The following CHST11 variants were observed in gnomAD, a reference collection of about 807,000 sequenced individuals.
CHST11 encodes C4S-1.
A neutral mutation model predicts 30.4 loss-of-function variants in CHST11; 9 were observed. That is an observed-to-expected ratio of 0.30 (90% confidence interval 0.18 to 0.52). The LOEUF is 0.52. CHST11 is among the 20% of genes least tolerant of loss of function. CHST11 has a pLI of 0.97. For missense variants in CHST11, 348 were observed against 460.6 expected (o/e 0.76, Z 2.24); for synonymous variants, 152 against 187.8 (o/e 0.81, Z 1.56).
intron 1 of CHST11, among the ~76,000 whole-genome samples, chr12:104,556,648 A>G (rs1452902363): frequency 6.6e-6 from 1 of 152,068 alleles, no homozygotes; most frequent in Non-Finnish European, 1.5e-5. Flanking sequence ...TTCTGTCTTC[A>G]CACTGTCTTC....
intron 2 of CHST11, among the ~76,000 whole-genome samples, chr12:104,733,769 G>A (rs2040275251): frequency 6.6e-6 from 1 of 152,240 alleles, no homozygotes. Flanking sequence ...ATTCAACCCA[G>A]GGAGATTGGT....
At chr12:104,519,561 G>A (rs1001537073) in intron 1 of CHST11, among the ~76,000 whole-genome samples, 2 of 152,116 alleles carry the variant, frequency 1.3e-5, no homozygotes, top group African/African-American at 4.8e-5. Flanking sequence ...AAAGTGAGAT[G>A]AACGCCTTTC....
intron 1 of CHST11, among the ~76,000 whole-genome samples, chr12:104,490,180 T>G (rs557980711): frequency 6.6e-6 from 1 of 152,298 alleles, no homozygotes; most frequent in South Asian, 2.1e-4. Context: ...CTGAAAGATG[T>G]GTGTCCTGGC....
chr12:104,513,138 T>TGGGGGGGGGGGG (rs1565969843), intron 1 of CHST11, among the ~76,000 whole-genome samples: 4 of 3,336 alleles, frequency 1.2e-3, no homozygotes, highest in African/African-American at 1.4e-3. Context: ...GGGGGGGGGG[T>TGGGGGGGGGGGG]TGGGGGTGGG....
intron 2 of CHST11, among the ~76,000 whole-genome samples, chr12:104,608,002 C>A (rs545674558): frequency 2.7e-3 from 405 of 152,250 alleles, no homozygotes; most frequent in African/African-American, 9.2e-3. Context: ...AGCCTGTGGT[C>A]TTCATATTAG....
intron 2 of CHST11, among the ~76,000 whole-genome samples, chr12:104,689,902 A>C (rs2039881803): frequency 6.6e-6 from 1 of 150,546 alleles, no homozygotes. Context: ...TTCCTCTTTC[A>C]CAAAATGTCT....
Position 104,703,576 on chromosome 12 carries a change from C to T in CHST11, c.205-53373C>T, listed in dbSNP as rs80349408. ...ACCTCCTCTCCCACCTGAGAACATT[C>T]TACTGCCGCAGCCAGAGCTGGTCTA... On this transcript the variant is annotated intron_variant, in intron 2 of 2. Coordinates refer to ENST00000303694, the MANE Select transcript of CHST11 (RefSeq NM_018413.6). 6.0e-3 allele frequency among the ~76,000 whole-genome samples: 908 copies of T among 152,334 alleles called. 13 individuals carry two copies. The highest frequency in any genetic ancestry group is 0.053 in the East Asian group (273 of 5,190).
intron 2 of CHST11, among the ~76,000 whole-genome samples, chr12:104,609,303 C>T (rs556048378): frequency 6.6e-6 from 1 of 152,364 alleles, no homozygotes; most frequent in Non-Finnish European, 1.5e-5. Context: ...TGCTTACTGC[C>T]AGCCTGGCAG....
At chr12:104,565,779 G>T (rs1330204095) in intron 1 of CHST11, among the ~76,000 whole-genome samples, 1 of 152,130 alleles carries the variant, frequency 6.6e-6, no homozygotes, top group Non-Finnish European at 1.5e-5. Flanking sequence ...GGCTAATTAG[G>T]GTGCTCTGTT....
At chr12:104,644,678 A>T (rs1465212220) in intron 2 of CHST11, among the ~76,000 whole-genome samples, 1 of 151,900 alleles carries the variant, frequency 6.6e-6, no homozygotes, top group African/African-American at 2.4e-5. Context: ...TGGCCCTGGC[A>T]GGCAGAGTGC....
At chr12:104,737,772 G>A (rs2040313296) in intron 2 of CHST11, among the ~76,000 whole-genome samples, 1 of 152,176 alleles carries the variant, frequency 6.6e-6, no homozygotes. Flanking sequence ...TCCCCCACCA[G>A]GCAGTTTTGC....
chr12:104,678,028 C>T (rs1375566518), intron 2 of CHST11, among the ~76,000 whole-genome samples: 4 of 152,228 alleles, frequency 2.6e-5, no homozygotes, highest in Non-Finnish European at 5.9e-5. Context: ...AGGCCTTCTC[C>T]AACCTTCCAG....
At chr12:104,596,560 G>T (rs942018063) in intron 1 of CHST11, among the ~76,000 whole-genome samples, 1 of 125,724 alleles carries the variant, frequency 8.0e-6, no homozygotes, top group Non-Finnish European at 1.7e-5. Flanking sequence ...ATAAACAGAC[G>T]TGGGTTGTCA....
At chr12:104,581,495 G>A (rs1182785335) in intron 1 of CHST11, among the ~76,000 whole-genome samples, 1 of 152,178 alleles carries the variant, frequency 6.6e-6, no homozygotes, top group East Asian at 1.9e-4. Flanking sequence ...CTTTGAGAAA[G>A]CTGGTTATGA....
chr12:104,599,954 A>G (rs747744360), intron 1 of CHST11, among the ~76,000 whole-genome samples: 6 of 152,214 alleles, frequency 3.9e-5, no homozygotes, highest in Non-Finnish European at 8.8e-5. Context: ...ACCCAGCCAC[A>G]CCCATTCATT....
intron 2 of CHST11, among the ~76,000 whole-genome samples, chr12:104,708,373 G>A (rs895686537): frequency 1.3e-5 from 2 of 152,194 alleles, no homozygotes; most frequent in African/African-American, 2.4e-5. Flanking sequence ...TGTCAAAGGC[G>A]CCAGCTTTCC....
At chr12:104,535,389 C>T (rs2038227575) in intron 1 of CHST11, among the ~76,000 whole-genome samples, 2 of 152,156 alleles carry the variant, frequency 1.3e-5, no homozygotes, top group South Asian at 2.1e-4. Context: ...CTGCCATGCA[C>T]TGGGTTTTAA....
chr12:104,581,102 G>A (rs970665392), intron 1 of CHST11, among the ~76,000 whole-genome samples: 1 of 152,180 alleles, frequency 6.6e-6, no homozygotes, highest in Non-Finnish European at 1.5e-5. Flanking sequence ...CCTTGGACAT[G>A]CAGGAGCTAC....
intron 2 of CHST11, among the ~76,000 whole-genome samples, chr12:104,687,894 G>A (rs536537125): frequency 3.3e-5 from 5 of 152,116 alleles, no homozygotes; most frequent in East Asian, 1.9e-4. Context: ...TTTTCATACC[G>A]TACCAGCATT....
Sources: allele counts gnomAD v4.1 joint callset (sites outside exome capture counted in the v4.1 genomes callset), GRCh38; gene constraint gnomAD v4.1.1; transcripts MANE v1.5; gene names NCBI Gene and HGNC (gene_info 2026-07-23, HGNC 2026-07-21).